The following TXNDC15 variants were observed in gnomAD, a reference collection of about 807,000 sequenced individuals.
The protein encoded by TXNDC15 is thioredoxin domain containing 15, also known as thioredoxin domain-containing protein 15.
A neutral mutation model predicts 35.0 loss-of-function variants in TXNDC15; 24 were observed. The observed-to-expected ratio is 0.68, with a 90% CI of 0.50 to 0.96. The LOEUF (loss-of-function observed/expected upper bound fraction) is 0.96. Ranked by LOEUF, TXNDC15 falls within the 40% of genes least tolerant of loss-of-function variation. The pLI is 0.00. For missense variants in TXNDC15, 385 were observed against 453.3 expected, an observed-to-expected ratio of 0.85 and a Z score of 1.37; for synonymous variants, 169 against 174.0, an observed-to-expected ratio of 0.97 and a Z score of 0.23.
intron 3 of TXNDC15, among the ~76,000 whole-genome samples, chr5:134,893,922 G>C (rs1269903255): frequency 6.6e-6 from 1 of 152,120 alleles, no homozygotes. Flanking sequence ...TGGCAGGGGA[G>C]GGGCCAGAAG....
At chr5:134,894,080 C>G (rs1043165617) in intron 3 of TXNDC15, among the ~76,000 whole-genome samples, 25 of 152,026 alleles carry the variant, frequency 1.6e-4, no homozygotes, top group African/African-American at 4.8e-5. Context: ...GATTTCTTCC[C>G]TTCCTTTTCT....
intron 3 of TXNDC15, among the ~76,000 whole-genome samples, chr5:134,894,977 C>A (rs547282862): frequency 3.9e-5 from 6 of 152,062 alleles, no homozygotes; most frequent in African/African-American, 1.4e-4. Flanking sequence ...AGTTTGAGAC[C>A]AGCCTGGACA....
intron 1 of TXNDC15, among the ~76,000 whole-genome samples, chr5:134,875,940 G>A (rs772528155): frequency 1.3e-5 from 2 of 152,206 alleles, no homozygotes; most frequent in South Asian, 2.1e-4. Context: ...AGAGTGCTGG[G>A]ATTACAGGCT....
Position 134,899,658 on chromosome 5 carries a change from A to G in TXNDC15, c.1056A>G (p.Pro352=), listed in dbSNP as rs776112970. 45 of 1,611,474 alleles carry G rather than the reference A, an allele frequency of 2.8e-5. No individual in the cohort carries two copies. The highest frequency in any genetic ancestry group is 3.6e-5 in the Non-Finnish European group (43 of 1,179,094). ...CTGAGAGTATTCGGTGGCTAATTCC[A>G]GGACAAGAGCAGGAACATGTGGAGT... ...IRTESIRWLI[P]GQEQEHVE is the part of the protein sequence containing the mutation. Residue 352 remains proline, a synonymous_variant, in exon 5 of 5, where the codon CCA becomes CCG. Coordinates refer to ENST00000358387, the MANE Select transcript of TXNDC15 (RefSeq NM_024715.4).
rs1464022092 is a variant in TXNDC15, at chr5:134,899,515, G to C, written c.913G>C (p.Val305Leu). Reference protein sequence around the residue: ...TGIEAKKNVVVTQADQIGPLP... With the variant: ...TGIEAKKNVVLTQADQIGPLP... ...TATAGAAGCCAAGAAGAATGTGGTG[G>C]TAACTCAAGCCGACCAAATAGGCCC... Residue 305 changes from valine to leucine, a missense_variant, in exon 5 of 5, where the codon GTA becomes CTA. Physicochemically the swap from Val to Leu is conservative, Grantham distance 32. Coordinates refer to ENST00000358387, the MANE Select transcript of TXNDC15 (RefSeq NM_024715.4). The C allele has an allele frequency of 6.2e-7, 1 of 1,613,332 alleles. No homozygotes were observed. The highest frequency in any genetic ancestry group is 1.1e-5 in the South Asian group (1 of 90,778).
chr5:134,891,002 C>T (rs932414313), intron 2 of TXNDC15, among the ~76,000 whole-genome samples: 2 of 152,186 alleles, frequency 1.3e-5, no homozygotes, highest in Non-Finnish European at 2.9e-5. Flanking sequence ...GAGATTGTAG[C>T]AATTCAGTCC....
intron 2 of TXNDC15, among the ~76,000 whole-genome samples, chr5:134,888,787 TC>T (rs1315653074): frequency 6.6e-6 from 1 of 152,212 alleles, no homozygotes; most frequent in African/African-American, 2.4e-5. Flanking sequence ...CGGCCATTTT[TC>T]TTCTTCCAAA....
At position 134,896,110 on chromosome 5, in the gene TXNDC15, C is replaced by A. The variant is rs10479086; in HGVS notation, c.756-184C>A. On this transcript the variant is annotated intron_variant, in intron 3 of 4. Transcript: ENST00000358387. ...CAGATTGCAGAAAAGGAGTGCCCCC[C>A]AGCCATGACCCATAAGCAAAGAGGT... The A allele has an allele frequency of 5.2e-3, 2,836 of 541,206 alleles. 69 individuals are homozygous for A. The highest frequency in any genetic ancestry group is 0.051 in the African/African-American group (2,600 of 50,740). 33.5% of individuals were successfully genotyped at this position (541,206 alleles called of 1,614,324 possible). A position where few individuals can be genotyped will look rare whatever the true frequency, so the allele number is the denominator to read the frequency against.
At chr5:134,875,316 C>T in intron 1 of TXNDC15, 1 of 456,258 alleles carries the variant, frequency 2.2e-6, no homozygotes, top group Non-Finnish European at 4.4e-6. Flanking sequence ...GTCATTTAGA[C>T]CTTAACAGGA....
At chr5:134,882,805 G>C (rs957908586) in intron 1 of TXNDC15, among the ~76,000 whole-genome samples, 1 of 152,134 alleles carries the variant, frequency 6.6e-6, no homozygotes, top group Non-Finnish European at 1.5e-5. Context: ...GTCCAGCTTC[G>C]GCTCGGCATC....
intron 1 of TXNDC15, among the ~76,000 whole-genome samples, chr5:134,881,858 G>A (rs1389026088): frequency 6.6e-6 from 1 of 150,554 alleles, no homozygotes; most frequent in Non-Finnish European, 1.5e-5. Flanking sequence ...GGCTGGCCAG[G>A]CAGAGGGGCT....
intron 1 of TXNDC15, among the ~76,000 whole-genome samples, chr5:134,881,260 C>T (rs1417215038): frequency 7.8e-6 from 1 of 129,006 alleles, no homozygotes; most frequent in African/African-American, 3.0e-5. Flanking sequence ...GGTCACAGGA[C>T]AATAGTGGAG....
In TXNDC15 at chr5:134,887,923, G is replaced by T; in HGVS notation, c.332G>T (p.Gly111Val). Reference protein sequence around the residue: ...AEDKVSSEPSGVTCGAGGAED... With the variant: ...AEDKVSSEPSVVTCGAGGAED... Reference sequence around the variant, plus strand: ...GACAAAGTGAGTTCAGAGCCTAGCGGCGTCACCTGTGGTGCTGGAGGAGCG... The same window carrying T: ...GACAAAGTGAGTTCAGAGCCTAGCGTCGTCACCTGTGGTGCTGGAGGAGCG... The change falls in exon 2 of 5, where the codon GGC becomes GTC. Residue 111 changes from glycine to valine, a missense_variant. By Grantham distance (109) the Gly-to-Val change is moderately radical (BLOSUM62 -3). Transcript: ENST00000358387. The T allele has an allele frequency of 6.2e-7, 1 of 1,614,182 alleles. No individual in the cohort carries two copies.
chr5:134,892,636 C>T (rs1183353421), intron 2 of TXNDC15: 1 of 152,310 alleles, frequency 6.6e-6, no homozygotes, highest in East Asian at 1.9e-4. Context: ...CCTATGTTGG[C>T]ATTCGGCATG....
At chr5:134,897,275 T>C in intron 4 of TXNDC15, among the ~76,000 whole-genome samples, 1 of 151,746 alleles carries the variant, frequency 6.6e-6, no homozygotes, top group Non-Finnish European at 1.5e-5. Flanking sequence ...TGAGACGGAG[T>C]CTCGCTCTGT....
intron 4 of TXNDC15, among the ~76,000 whole-genome samples, chr5:134,897,753 A>G (rs1469393484): frequency 6.6e-6 from 1 of 152,228 alleles, no homozygotes; most frequent in East Asian, 1.9e-4. Flanking sequence ...TTATGCCTGT[A>G]AACCCAGGAG....
chr5:134,881,199 A>ATTTT (rs1554162551), intron 1 of TXNDC15, among the ~76,000 whole-genome samples: 20 of 132,502 alleles, frequency 1.5e-4, no homozygotes, highest in African/African-American at 2.0e-4. Flanking sequence ...TTATTTATTT[A>ATTTT]TTTTTTTATT....
In TXNDC15 at chr5:134,885,660, T is replaced by C. The variant is rs73282872; in HGVS notation, c.104-2035T>C. On this transcript the variant is annotated intron_variant, in intron 1 of 4. Transcript: ENST00000358387. ...TGGTCTCCTTGGACTCTTAGCTCCA[T>C]CTCCTCAACTGGGAGAGTCTGCTGG... Among the ~76,000 whole-genome samples the C allele has an allele frequency of 9.0e-3, 1,364 of 152,292 alleles. 23 individuals are homozygous for C. The highest frequency in any genetic ancestry group is 0.032 in the African/African-American group (1,316 of 41,562).
intron 1 of TXNDC15, among the ~76,000 whole-genome samples, chr5:134,874,751 T>G (rs1363739018): frequency 1.3e-5 from 2 of 152,166 alleles, no homozygotes; most frequent in African/African-American, 4.8e-5. Flanking sequence ...CCGGGGGTGG[T>G]TGGGCCGCGT....
Sources: gnomAD v4.1 joint callset for allele counts (sites outside exome capture counted in the v4.1 genomes callset) on GRCh38, gnomAD v4.1.1 for gene constraint, MANE v1.5 for transcripts, NCBI Gene and HGNC (gene_info 2026-07-23, HGNC 2026-07-21) for gene names.